THADA: variants seen among roughly 807,000 people sequenced by gnomAD.
THADA encodes tRNA (32-2'-O)-methyltransferase regulator THADA.
In THADA, 213 loss-of-function variants were observed where a neutral mutation model predicts 219.8. The ratio of observed to expected loss-of-function variants is 0.97; its 90% CI spans 0.87 to 1.09. The LOEUF (loss-of-function observed/expected upper bound fraction) is 1.09, where lower values mean the gene tolerates loss of function less well. Among genes scored for constraint, THADA ranks in the 50% least tolerant of loss-of-function variants. THADA has a pLI of 0.00. For synonymous variants in THADA, 1,018 were observed against 828.9 expected (o/e 1.23, Z -3.92); for missense variants, 2,956 against 2,311.3 (o/e 1.28, Z -5.72).
chr2:43,250,932 C>T (rs1669747323), intron 36 of THADA, among the ~76,000 whole-genome samples: 1 of 152,030 alleles, frequency 6.6e-6, no homozygotes, highest in Non-Finnish European at 1.5e-5. Flanking sequence ...CAAAGACTAA[C>T]CCTAAGAAGG....
chr2:43,425,361 T>C (rs1678278074), intron 28 of THADA, among the ~76,000 whole-genome samples: 1 of 152,160 alleles, frequency 6.6e-6, no homozygotes, highest in Non-Finnish European at 1.5e-5. Flanking sequence ...TCTGCATTCC[T>C]GGGTCAAAAT....
chr2:43,515,873 T>C (rs72616903), intron 22 of THADA, among the ~76,000 whole-genome samples: 21,897 of 152,068 alleles, frequency 0.14, 1,812 homozygotes, highest in Middle Eastern at 0.26. Flanking sequence ...GTAGTTTCAA[T>C]GGGGTGTCTA....
chr2:43,541,480 G>A (rs1333201214), intron 20 of THADA, among the ~76,000 whole-genome samples, 164 bp from the exon 21 acceptor site: 2 of 151,958 alleles, frequency 1.3e-5, no homozygotes, highest in Non-Finnish European at 1.5e-5. Flanking sequence ...TGTCGAGCAT[G>A]TGTTATGAGA....
chr2:43,402,965 G>C (rs368124621), intron 28 of THADA, among the ~76,000 whole-genome samples: 5 of 152,176 alleles, frequency 3.3e-5, no homozygotes, highest in African/African-American at 1.2e-4. Context: ...AGGGCACCCA[G>C]ACAAAAGGAA....
At position 43,286,936 on chromosome 2, in the gene THADA, A is replaced by T; in HGVS notation, c.5136T>A (p.Leu1712=). ...VVEVLTSTTP[L]FLTNPHPILE... ...GAATAGGATGGGGGTTGGTGAGGAA[A>T]AGTGGTGTAGTACTGGTGAGGACTT... Residue 1712 remains leucine (L), a synonymous_variant, in exon 35 of 38, where the codon CTT becomes CTA. Coordinates refer to ENST00000405975, the MANE Select transcript of THADA (RefSeq NM_022065.5). 6 of 1,613,370 alleles carry T rather than the reference A, an allele frequency of 3.7e-6. No individual in the cohort carries two copies. The highest frequency in any genetic ancestry group is 4.2e-6 in the Non-Finnish European group (5 of 1,179,408).
At chr2:43,254,833 T>C (rs1319789534) in intron 36 of THADA, among the ~76,000 whole-genome samples, 1 of 152,138 alleles carries the variant, frequency 6.6e-6, no homozygotes, top group Non-Finnish European at 1.5e-5. Context: ...AGCAAACTTG[T>C]TCATCTCCCC....
rs1451590035 is a variant in THADA at position 43,231,208 on chromosome 2, G to C, written c.5602C>G (p.Leu1868Val). ...SGWRPPSPEM[L>V]CHLQRMVSEQ... The stretch of plus-strand genomic sequence containing the variant: ...GACACCATCCTTTGAAGGTGACAGA[G>C]CATCTCAGGGCTTGGGGGACGCCAG... Residue 1868 changes from leucine to valine, a missense_variant, in exon 38 of 38, where the codon CTC becomes GTC. Coordinates refer to ENST00000405975, the MANE Select transcript of THADA (RefSeq NM_022065.5). The C allele has an allele frequency of 6.2e-7, 1 of 1,613,916 alleles. No homozygotes were observed. The highest frequency in any genetic ancestry group is 1.7e-5 in the Admixed American group (1 of 60,010).
At chr2:43,423,960 T>C (rs938915227) in intron 28 of THADA, among the ~76,000 whole-genome samples, 2 of 152,194 alleles carry the variant, frequency 1.3e-5, no homozygotes, top group African/African-American at 4.8e-5. Flanking sequence ...TTGTGGTACC[T>C]GAACTGAAGA....
chr2:43,235,622 G>A (rs1667949812), intron 36 of THADA, among the ~76,000 whole-genome samples: 1 of 151,972 alleles, frequency 6.6e-6, no homozygotes, highest in Non-Finnish European at 1.5e-5. Context: ...TCTCCTTAAG[G>A]CAAGGACTGA....
At chr2:43,382,267 G>C (rs1451548760) in intron 29 of THADA, among the ~76,000 whole-genome samples, 3 of 152,132 alleles carry the variant, frequency 2.0e-5, no homozygotes, top group African/African-American at 7.2e-5. Flanking sequence ...TTCTTCCTTA[G>C]CCATGACAAA....
At chr2:43,542,245 C>T (rs1695423435) in intron 20 of THADA, among the ~76,000 whole-genome samples, 1 of 151,994 alleles carries the variant, frequency 6.6e-6, no homozygotes, top group African/African-American at 2.4e-5. Flanking sequence ...GGTAAGTGTA[C>T]ATACACATAA....
chr2:43,296,832 G>T (rs1197160258), intron 31 of THADA, among the ~76,000 whole-genome samples: 4 of 151,792 alleles, frequency 2.6e-5, no homozygotes, highest in Admixed American at 6.6e-5. Context: ...TCTTAAAATT[G>T]TAATTAACGG....
At chr2:43,279,431 G>A (rs1394118378) in intron 36 of THADA, among the ~76,000 whole-genome samples, 2 of 152,122 alleles carry the variant, frequency 1.3e-5, no homozygotes, top group East Asian at 1.9e-4. Flanking sequence ...ATTTAAAACC[G>A]ATGACAACGT....
chr2:43,324,073 C>T (rs1350853220), intron 30 of THADA, among the ~76,000 whole-genome samples: 1 of 152,092 alleles, frequency 6.6e-6, no homozygotes, highest in Non-Finnish European at 1.5e-5. Flanking sequence ...GCTTCTTGCC[C>T]CAAATGTTTT....
intron 29 of THADA, among the ~76,000 whole-genome samples, chr2:43,366,984 A>G (rs1442745119): frequency 1.3e-5 from 2 of 152,218 alleles, no homozygotes; most frequent in Non-Finnish European, 2.9e-5. Flanking sequence ...ATGGTATATC[A>G]TGCAAAGGAA....
chr2:43,511,511 C>G (rs1028875852), intron 22 of THADA, among the ~76,000 whole-genome samples: 9 of 152,154 alleles, frequency 5.9e-5, no homozygotes, highest in Admixed American at 2.6e-4. Context: ...CTAACTTTGT[C>G]AAACTCTCCT....
chr2:43,279,761 G>A lies in THADA; in HGVS notation c.5296+4C>T, dbSNP rs1367626503. On this transcript the variant is annotated splice_donor_region_variant and intron_variant, in intron 36 of 37. Coordinates refer to ENST00000405975, the MANE Select transcript of THADA (RefSeq NM_022065.5). ...GACAATGCAAAAGGATAAGAACGAG[G>A]TACCTGTTGACTGGCAGGTATTTTC... is the stretch of plus-strand genomic sequence containing the variant. 3 of 1,547,494 alleles carry A rather than the reference G, an allele frequency of 1.9e-6. No individual in the cohort carries two copies. The highest frequency in any genetic ancestry group is 2.6e-6 in the Non-Finnish European group (3 of 1,145,570).
chr2:43,487,502 A>G (rs937231246), intron 25 of THADA, among the ~76,000 whole-genome samples: 10 of 152,170 alleles, frequency 6.6e-5, no homozygotes, highest in African/African-American at 2.4e-4. Context: ...CAGGAGACAC[A>G]TGTCTTTTTA....
At chr2:43,474,048 C>T (rs1054177657) in intron 26 of THADA, among the ~76,000 whole-genome samples, 6 of 152,128 alleles carry the variant, frequency 3.9e-5, no homozygotes, top group Non-Finnish European at 7.3e-5. Flanking sequence ...CTTATGGAAC[C>T]ATCGTCATAT....
Sources: gnomAD v4.1 joint callset for allele counts (sites outside exome capture counted in the v4.1 genomes callset) on GRCh38, gnomAD v4.1.1 for gene constraint, MANE v1.5 for transcripts, NCBI Gene and HGNC (gene_info 2026-07-23, HGNC 2026-07-21) for gene names.